ADAM12: variants seen among roughly 807,000 people sequenced by gnomAD.
The protein encoded by ADAM12 is ADAM metallopeptidase domain 12, also known as disintegrin and metalloproteinase domain-containing protein 12.
ADAM12 carries 70 observed loss-of-function variants against 106.4 expected under a neutral mutation model. The observed-to-expected ratio is 0.66, with a 90% confidence interval of 0.54 to 0.80. ADAM12 has a LOEUF of 0.80. Among genes scored for constraint, ADAM12 ranks in the 30% least tolerant of loss-of-function variants. The pLI, the probability that ADAM12 is intolerant of heterozygous loss-of-function variation, is 0.00. For synonymous variants in ADAM12, 420 were observed against 433.5 expected (o/e 0.97, Z 0.39); for missense variants, 1,010 against 1,171.9 (o/e 0.86, Z 2.02).
At chr10:126,057,376 T>A (rs1590348291) in intron 14 of ADAM12, among the ~76,000 whole-genome samples, 1 of 21,870 alleles carries the variant, frequency 4.6e-5, no homozygotes, top group Non-Finnish European at 7.9e-5. Flanking sequence ...AAAAAAAAAA[T>A]TAAAAAACAA....
chr10:126,059,896 G>C (rs1954715719), intron 14 of ADAM12, among the ~76,000 whole-genome samples: 1 of 152,224 alleles, frequency 6.6e-6, no homozygotes, highest in Non-Finnish European at 1.5e-5. Context: ...CTATATTTCA[G>C]AAGGAGTAAA....
chr10:126,232,476 G>C (rs978106026), intron 3 of ADAM12, among the ~76,000 whole-genome samples: 1 of 152,180 alleles, frequency 6.6e-6, no homozygotes, highest in African/African-American at 2.4e-5. Context: ...ATAAGTTGAT[G>C]TTGTTTGAAG....
intron 3 of ADAM12, among the ~76,000 whole-genome samples, chr10:126,171,000 C>T (rs1355926870): frequency 1.3e-5 from 2 of 152,190 alleles, no homozygotes; most frequent in African/African-American, 4.8e-5. Flanking sequence ...GATTTCTCTC[C>T]AGGATAAAGG....
intron 3 of ADAM12, among the ~76,000 whole-genome samples, chr10:126,162,022 C>T (rs749341729): frequency 4.6e-5 from 7 of 152,176 alleles, no homozygotes; most frequent in East Asian, 1.9e-4. Context: ...TGCTATTTGC[C>T]GTTTGTTGTG....
chr10:126,206,297 G>C (rs1321278593), intron 3 of ADAM12, among the ~76,000 whole-genome samples: 1 of 152,174 alleles, frequency 6.6e-6, no homozygotes, highest in African/African-American at 2.4e-5. Flanking sequence ...CAGAAATTCT[G>C]ACTCTGAGAG....
intron 1 of ADAM12, among the ~76,000 whole-genome samples, chr10:126,374,772 G>A (rs1196447706): frequency 6.6e-6 from 1 of 152,068 alleles, no homozygotes; most frequent in Non-Finnish European, 1.5e-5. Flanking sequence ...AAGCAAAAAC[G>A]GCAAGGCAGT....
At chr10:126,046,202 G>C (rs1474160191) in intron 16 of ADAM12, 70 bp from the exon 17 acceptor site, 4 of 1,403,552 alleles carry the variant, frequency 2.8e-6, no homozygotes, top group Non-Finnish European at 4.0e-6. Context: ...ATACATACCT[G>C]TATTCAAACA....
chr10:126,247,580 C>T lies in ADAM12; in HGVS notation c.260+31335G>A, dbSNP rs193020318. On this transcript the variant is annotated intron_variant, in intron 3 of 22. Coordinates refer to ENST00000448723, the MANE Select transcript of ADAM12 (RefSeq NM_001288973.2). The stretch of plus-strand genomic sequence containing the variant: ...CTGAGAAACTCATGTGCTTTCTGGC[C>T]CTGAGTCATAAGGACCCGATGGCAT... Among the ~76,000 whole-genome samples, 28 of 152,290 alleles carry T rather than the reference C, an allele frequency of 1.8e-4. No individual in the cohort carries two copies. The East Asian group carries it at 3.9e-3, about 21-fold the overall frequency.
chr10:126,070,189 T>C (rs1300552258), intron 12 of ADAM12, among the ~76,000 whole-genome samples: 1 of 152,204 alleles, frequency 6.6e-6, no homozygotes, highest in Admixed American at 6.5e-5. Flanking sequence ...TCTGCTAATC[T>C]TGAGAAGAGT....
At chr10:126,059,998 A>G (rs933280139) in intron 14 of ADAM12, among the ~76,000 whole-genome samples, 2 of 152,254 alleles carry the variant, frequency 1.3e-5, no homozygotes, top group African/African-American at 4.8e-5. Flanking sequence ...TGAACTGTGA[A>G]TAACATTTGT....
chr10:126,096,769 T>C (rs151303859), intron 10 of ADAM12, among the ~76,000 whole-genome samples: 1 of 152,276 alleles, frequency 6.6e-6, no homozygotes, highest in Non-Finnish European at 1.5e-5. Context: ...TTCTGTTATA[T>C]GTGGAACGTG....
At chr10:126,283,537 C>T (rs898042829) in intron 2 of ADAM12, among the ~76,000 whole-genome samples, 3 of 152,284 alleles carry the variant, frequency 2.0e-5, no homozygotes, top group East Asian at 1.9e-4. Context: ...TTTTCCTTTA[C>T]GCCTCCCTCC....
At chr10:126,264,971 C>T (rs1207113230) in intron 3 of ADAM12, among the ~76,000 whole-genome samples, 4 of 152,132 alleles carry the variant, frequency 2.6e-5, no homozygotes, top group African/African-American at 9.7e-5. Flanking sequence ...TTTTATCCAG[C>T]ACTCTAAATA....
At chr10:126,204,841 G>C (rs547605599) in intron 3 of ADAM12, among the ~76,000 whole-genome samples, 36 of 152,206 alleles carry the variant, frequency 2.4e-4, no homozygotes, top group African/African-American at 8.7e-4. Flanking sequence ...AGGCTTTCCA[G>C]GCCTCACAGT....
In ADAM12 at chr10:126,036,155, C is replaced by CTTTCAGTA; in HGVS notation, c.2519_2520insTACTGAAA (p.Arg840SerfsTer99). On this transcript the variant is annotated frameshift_variant, in exon 21 of 23. Coordinates refer to ENST00000448723, the MANE Select transcript of ADAM12 (RefSeq NM_001288973.2). LOFTEE classifies it high-confidence loss of function. ...AGTACTGAAAGCATACCTGGGCCTG[C>CTTTCAGTA]CTAAGTGCAGGCTTGGCTGGCAGGG... 1 of 1,469,184 alleles carries CTTTCAGTA rather than the reference C, an allele frequency of 6.8e-7. No individual in the cohort carries two copies. Among genetic ancestry groups the CTTTCAGTA allele is most frequent in the Admixed American group, 2.8e-5 (1 of 36,288 alleles). 91.0% of individuals were successfully genotyped at this position (1,469,184 alleles called of 1,614,324 possible).
intron 3 of ADAM12, among the ~76,000 whole-genome samples, chr10:126,202,837 G>A (rs1957727290): frequency 6.6e-6 from 1 of 152,118 alleles, no homozygotes; most frequent in Non-Finnish European, 1.5e-5. Flanking sequence ...ACGTGTCTCT[G>A]AAATGCTCTA....
intron 2 of ADAM12, among the ~76,000 whole-genome samples, chr10:126,304,717 T>C (rs1960768875): frequency 6.6e-6 from 1 of 152,176 alleles, no homozygotes; most frequent in African/African-American, 2.4e-5. Flanking sequence ...CACAATCGAC[T>C]TGTATCCAGA....
chr10:126,136,133 G>T lies in ADAM12; in HGVS notation c.340-473C>A, dbSNP rs139292542. On this transcript the variant is annotated intron_variant, in intron 4 of 22. Transcript: ENST00000448723. ...GGAAGTGGGGGTGAAGAAGGAAGGAGGGGACCTCACTGAATTACCCAATTG... is the reference window on the plus strand; with the variant it reads ...GGAAGTGGGGGTGAAGAAGGAAGGATGGGACCTCACTGAATTACCCAATTG... 2.8e-3 allele frequency among the ~76,000 whole-genome samples: 421 copies of T among 152,316 alleles called. 1 individual carries two copies. The highest frequency in any genetic ancestry group is 9.6e-3 in the African/African-American group (399 of 41,574).
intron 3 of ADAM12, among the ~76,000 whole-genome samples, chr10:126,168,212 C>T (rs1789714261): frequency 6.6e-6 from 1 of 152,158 alleles, no homozygotes; most frequent in Non-Finnish European, 1.5e-5. Flanking sequence ...GACTTTCAGT[C>T]AGTATCTGCA....
Sources: gnomAD v4.1 joint callset for allele counts (sites outside exome capture counted in the v4.1 genomes callset) on GRCh38, gnomAD v4.1.1 for gene constraint, MANE v1.5 for transcripts, NCBI Gene and HGNC (gene_info 2026-07-23, HGNC 2026-07-21) for gene names.